Variants in CSMD1 observed in about 807,000 individuals in gnomAD.
CSMD1 encodes the protein CUB and sushi domain-containing protein 1.
Under a neutral mutation model 417.5 loss-of-function variants are expected in CSMD1, and 213 were observed. The observed-to-expected ratio is 0.51, with a 90% CI of 0.46 to 0.57. The LOEUF is 0.57. Among genes scored for constraint, CSMD1 ranks in the 20% least tolerant of loss-of-function variants. The probability of loss-of-function intolerance (pLI) is 0.00; values close to 1 mark genes in which losing one functional copy is unlikely to be tolerated. For synonymous variants in CSMD1, 2,862 were observed against 1,736.8 expected, an observed-to-expected ratio of 1.65 and a Z score of -16.11; for missense variants, 6,923 against 4,529.7, an observed-to-expected ratio of 1.53 and a Z score of -15.17.
At chr8:4,271,682 A>T (rs1041112744) in intron 3 of CSMD1, among the ~76,000 whole-genome samples, 1 of 152,182 alleles carries the variant, frequency 6.6e-6, no homozygotes, top group Non-Finnish European at 1.5e-5. Context: ...TAAGGTATAC[A>T]TCACTATATG....
chr8:4,087,416 C>G (rs1800476650), intron 3 of CSMD1, among the ~76,000 whole-genome samples: 1 of 152,222 alleles, frequency 6.6e-6, no homozygotes, highest in South Asian at 2.1e-4. Context: ...TGAGCAGATG[C>G]TCTTAATTCT....
At chr8:4,927,063 G>A (rs921979746) in intron 1 of CSMD1, among the ~76,000 whole-genome samples, 1 of 149,688 alleles carries the variant, frequency 6.7e-6, no homozygotes, top group Admixed American at 6.7e-5. Flanking sequence ...GAAAAAAATA[G>A]GGCTGTGTTA....
chr8:4,083,174 C>T (rs1252740630), intron 3 of CSMD1, among the ~76,000 whole-genome samples: 1 of 152,016 alleles, frequency 6.6e-6, no homozygotes, highest in Non-Finnish European at 1.5e-5. Flanking sequence ...GTTCTAGATC[C>T]CTGAGGAATT....
intron 10 of CSMD1, among the ~76,000 whole-genome samples, chr8:3,520,780 C>G (rs945790210): frequency 6.6e-6 from 1 of 151,988 alleles, no homozygotes; most frequent in African/African-American, 2.4e-5. Context: ...AGTCTCCAAA[C>G]CCCATCACCA....
At chr8:3,701,404 G>C (rs564398990) in intron 7 of CSMD1, among the ~76,000 whole-genome samples, 3 of 152,056 alleles carry the variant, frequency 2.0e-5, no homozygotes, top group African/African-American at 4.8e-5. Context: ...GAACAGTTGC[G>C]AAAGTCTGTC....
At chr8:4,307,874 G>T (rs897403983) in intron 3 of CSMD1, among the ~76,000 whole-genome samples, 2 of 152,160 alleles carry the variant, frequency 1.3e-5, no homozygotes, top group African/African-American at 4.8e-5. Flanking sequence ...TGAGCAAGAA[G>T]TGTTCAGTAG....
At chr8:3,785,724 CCCAGGGTGCGGGGAG>C (rs1391837805) in intron 5 of CSMD1, among the ~76,000 whole-genome samples, 1 of 152,044 alleles carries the variant, frequency 6.6e-6, no homozygotes, top group Non-Finnish European at 1.5e-5. Context: ...AAGTGAGAGG[CCCAGGGTGCGGGGAG>C]CCAGGAGCTA....
intron 3 of CSMD1, among the ~76,000 whole-genome samples, chr8:4,335,633 A>T (rs749373809): frequency 2.0e-5 from 3 of 152,160 alleles, no homozygotes; most frequent in Non-Finnish European, 4.4e-5. Flanking sequence ...TATTTATTCA[A>T]ATATTTAATA....
At position 4,235,185 on chromosome 8, in the gene CSMD1, C is replaced by T. The variant is rs933078069; in HGVS notation, c.415+184768G>A. ...TGTGATTCATCTTTCAGAGGCATCTCTCTCCTGTCCAAACTCAAGAATGGA... is the reference window on the plus strand; with the variant it reads ...TGTGATTCATCTTTCAGAGGCATCTTTCTCCTGTCCAAACTCAAGAATGGA... On this transcript the variant is annotated intron_variant, in intron 3 of 69. Coordinates refer to ENST00000635120, the MANE Select transcript of CSMD1 (RefSeq NM_033225.6). Among the ~76,000 whole-genome samples, 4 of 152,280 alleles carry T rather than the reference C, an allele frequency of 2.6e-5. No homozygotes were observed. The South Asian group carries it at 8.3e-4, about 32-fold the overall frequency.
intron 10 of CSMD1, among the ~76,000 whole-genome samples, chr8:3,512,615 T>A (rs1264035155): frequency 6.6e-6 from 1 of 150,826 alleles, no homozygotes; most frequent in African/African-American, 2.4e-5. Flanking sequence ...TTTTTTTTTT[T>A]TTTTAAGACA....
chr8:4,419,786 G>A (rs1369974804), intron 3 of CSMD1, among the ~76,000 whole-genome samples, 167 bp downstream of exon 3: 1 of 152,154 alleles, frequency 6.6e-6, no homozygotes, highest in East Asian at 1.9e-4. Flanking sequence ...AAAGTTTGGC[G>A]ATTATAACAG....
intron 49 of CSMD1, among the ~76,000 whole-genome samples, chr8:3,084,110 C>T (rs1472104923): frequency 6.6e-6 from 1 of 152,068 alleles, no homozygotes; most frequent in Non-Finnish European, 1.5e-5. Flanking sequence ...TAGCATAATC[C>T]ACAACACACC....
At chr8:4,737,760 G>T (rs889855572) in intron 1 of CSMD1, among the ~76,000 whole-genome samples, 1 of 152,178 alleles carries the variant, frequency 6.6e-6, no homozygotes, top group Non-Finnish European at 1.5e-5. Flanking sequence ...CAATAGAAAG[G>T]CCAGAGAAGA....
At chr8:3,811,465 A>G (rs1360810665) in intron 5 of CSMD1, among the ~76,000 whole-genome samples, 1 of 152,108 alleles carries the variant, frequency 6.6e-6, no homozygotes, top group Non-Finnish European at 1.5e-5. Context: ...TCTAGAATAG[A>G]CATTTGGTTT....
At chr8:4,463,546 C>G (rs1455629027) in intron 2 of CSMD1, among the ~76,000 whole-genome samples, 1 of 152,174 alleles carries the variant, frequency 6.6e-6, no homozygotes, top group Admixed American at 6.5e-5. Context: ...TGGTCTATAT[C>G]CATCATATTA....
intron 26 of CSMD1, among the ~76,000 whole-genome samples, chr8:3,241,615 G>A (rs145589244): frequency 0.013 from 1,950 of 152,262 alleles, 96 homozygotes; most frequent in Admixed American, 0.089. Context: ...GACGGGACAC[G>A]GTTTAGGAGG....
intron 1 of CSMD1, among the ~76,000 whole-genome samples, chr8:4,818,002 A>C (rs1043058659): frequency 6.6e-6 from 1 of 152,208 alleles, no homozygotes; most frequent in Non-Finnish European, 1.5e-5. Flanking sequence ...ATTATGCATC[A>C]TTATAATAAG....
chr8:3,992,638 T>A (rs1388889215), intron 5 of CSMD1, among the ~76,000 whole-genome samples: 1 of 152,068 alleles, frequency 6.6e-6, no homozygotes, highest in Non-Finnish European at 1.5e-5. Flanking sequence ...GTTTTAAAAA[T>A]TAGCCAGGGT....
intron 2 of CSMD1, among the ~76,000 whole-genome samples, chr8:4,594,739 T>C (rs1391672830): frequency 6.6e-6 from 1 of 152,214 alleles, no homozygotes; most frequent in Non-Finnish European, 1.5e-5. Flanking sequence ...ACCTGCCTGT[T>C]CACATGGCTA....
Sources: allele counts gnomAD v4.1 joint callset (sites outside exome capture counted in the v4.1 genomes callset), GRCh38; gene constraint gnomAD v4.1.1; transcripts MANE v1.5; gene names NCBI Gene and HGNC (gene_info 2026-07-23, HGNC 2026-07-21).